ADAMTS19: variants seen among roughly 807,000 people sequenced by gnomAD.
ADAMTS19 encodes the protein A disintegrin and metalloproteinase with thrombospondin motifs 19.
ADAMTS19 carries 93 observed loss-of-function variants against 153.3 expected under a neutral mutation model. That is an observed-to-expected ratio of 0.61 (90% CI 0.51 to 0.72). The LOEUF is 0.72. Ranked by LOEUF, ADAMTS19 falls within the 30% of genes least tolerant of loss-of-function variation. The pLI, the probability that ADAMTS19 is intolerant of heterozygous loss-of-function variation, is 0.00. For synonymous variants in ADAMTS19, 600 were observed against 556.6 expected, an observed-to-expected ratio of 1.08 and a Z score of -1.10; for missense variants, 1,482 against 1,552.1, an observed-to-expected ratio of 0.95 and a Z score of 0.76.
chr5:129,553,025 C>T (rs1753185605), intron 7 of ADAMTS19, among the ~76,000 whole-genome samples: 1 of 152,046 alleles, frequency 6.6e-6, no homozygotes, highest in Non-Finnish European at 1.5e-5. Flanking sequence ...TTGCCTGCTT[C>T]CCCCAGTTTT....
intron 6 of ADAMTS19, among the ~76,000 whole-genome samples, chr5:129,546,076 G>A (rs1007799804): frequency 7.7e-4 from 115 of 148,714 alleles, no homozygotes; most frequent in Non-Finnish European, 1.5e-3. Flanking sequence ...ATGAGTTCAT[G>A]TCCTTTGTAG....
intron 2 of ADAMTS19, among the ~76,000 whole-genome samples, chr5:129,474,863 G>A (rs1038386872): frequency 5.3e-5 from 8 of 152,134 alleles, no homozygotes; most frequent in Non-Finnish European, 1.2e-4. Context: ...TCATGCGCCA[G>A]TTCATAGCCA....
At chr5:129,536,968 G>T (rs1449892856) in intron 6 of ADAMTS19, among the ~76,000 whole-genome samples, 1 of 151,734 alleles carries the variant, frequency 6.6e-6, no homozygotes, top group Non-Finnish European at 1.5e-5. Flanking sequence ...TAAATGATGA[G>T]TTAATGGGTG....
intron 16 of ADAMTS19, among the ~76,000 whole-genome samples, chr5:129,677,937 C>G (rs1307215680): frequency 1.3e-5 from 2 of 152,060 alleles, no homozygotes; most frequent in South Asian, 4.1e-4. Flanking sequence ...CTCAGCCTCC[C>G]GAGTCACTGG....
rs183825702 is a variant in ADAMTS19, at chr5:129,724,860, A to G, written c.3313-10072A>G. On this transcript the variant is annotated intron_variant, in intron 21 of 22. Transcript: ENST00000274487. The stretch of plus-strand genomic sequence containing the variant: ...CCCACCCTAATCTTCTATTATGCAG[A>G]TGGGTTCTCCACTTGGCTGGCATCA... Among the ~76,000 whole-genome samples the G allele has an allele frequency of 7.2e-5, 11 of 152,082 alleles. No homozygotes were observed. In the South Asian group the frequency reaches 8.3e-4, roughly 11 times the overall value.
At chr5:129,589,255 G>A (rs1420534753) in intron 7 of ADAMTS19, among the ~76,000 whole-genome samples, 1 of 151,234 alleles carries the variant, frequency 6.6e-6, no homozygotes, top group Non-Finnish European at 1.5e-5. Flanking sequence ...TTTCATGCCA[G>A]TTTTCTTGTA....
chr5:129,493,865 C>T (rs1750846390), intron 2 of ADAMTS19, among the ~76,000 whole-genome samples: 1 of 152,020 alleles, frequency 6.6e-6, no homozygotes, highest in African/African-American at 2.4e-5. Context: ...TGGATGAACT[C>T]ATTCTTTATG....
chr5:129,600,129 C>T (rs1009603926), intron 8 of ADAMTS19, among the ~76,000 whole-genome samples: 7 of 152,020 alleles, frequency 4.6e-5, no homozygotes, highest in African/African-American at 1.7e-4. Flanking sequence ...AAAAAATGTC[C>T]ATATGCTCAT....
intron 6 of ADAMTS19, among the ~76,000 whole-genome samples, chr5:129,534,981 G>A (rs1026818829): frequency 6.6e-6 from 1 of 152,112 alleles, no homozygotes; most frequent in Admixed American, 6.6e-5. Flanking sequence ...AAAACTGGAA[G>A]CATTCCCTTT....
intron 8 of ADAMTS19, among the ~76,000 whole-genome samples, chr5:129,604,216 A>G (rs1750790174): frequency 6.6e-6 from 1 of 151,972 alleles, no homozygotes; most frequent in African/African-American, 2.4e-5. Context: ...CGTTTTACCT[A>G]TGTAACAAAA....
chr5:129,676,517 C>G (rs1754558769), intron 16 of ADAMTS19, among the ~76,000 whole-genome samples: 1 of 151,988 alleles, frequency 6.6e-6, no homozygotes, highest in African/African-American at 2.4e-5. Flanking sequence ...GTCAGGGGGT[C>G]TGGTAAATAT....
At chr5:129,492,110 A>C (rs929476311) in intron 2 of ADAMTS19, among the ~76,000 whole-genome samples, 1 of 152,140 alleles carries the variant, frequency 6.6e-6, no homozygotes, top group African/African-American at 2.4e-5. Context: ...TGGAGGTCTC[A>C]GGAAACTTAC....
At chr5:129,641,495 A>G (rs1001897675) in intron 10 of ADAMTS19, among the ~76,000 whole-genome samples, 33 of 152,206 alleles carry the variant, frequency 2.2e-4, no homozygotes, top group Non-Finnish European at 1.6e-4. Context: ...TTTATAACAC[A>G]AAAACAAACA....
chr5:129,490,374 C>T (rs547477454), intron 2 of ADAMTS19, among the ~76,000 whole-genome samples: 1 of 152,132 alleles, frequency 6.6e-6, no homozygotes, highest in Admixed American at 6.6e-5. Flanking sequence ...CCTATAACCT[C>T]CAATTTCCTA....
chr5:129,631,884 T>C (rs1752314836), intron 10 of ADAMTS19, among the ~76,000 whole-genome samples: 2 of 152,044 alleles, frequency 1.3e-5, no homozygotes, highest in South Asian at 4.1e-4. Context: ...GATTTTATAA[T>C]TTATTTTTTA....
At chr5:129,509,308 C>G in intron 3 of ADAMTS19, 66 bp downstream of exon 3, 1 of 1,405,114 alleles carries the variant, frequency 7.1e-7, no homozygotes, top group Non-Finnish European at 9.6e-7. Flanking sequence ...TTTAAAAAAA[C>G]TCTCTCGTCT....
intron 2 of ADAMTS19, among the ~76,000 whole-genome samples, chr5:129,487,062 A>C (rs1750622506): frequency 6.6e-6 from 1 of 152,192 alleles, no homozygotes; most frequent in Non-Finnish European, 1.5e-5. Flanking sequence ...GTGAAATTTG[A>C]ATGAGAAATG....
chr5:129,478,354 G>T (rs548566536), intron 2 of ADAMTS19, among the ~76,000 whole-genome samples: 2 of 152,084 alleles, frequency 1.3e-5, no homozygotes, highest in African/African-American at 4.8e-5. Context: ...ATAATAATGT[G>T]GGATACTCTT....
intron 18 of ADAMTS19, among the ~76,000 whole-genome samples, chr5:129,692,114 G>A (rs1381810320): frequency 6.6e-6 from 1 of 152,070 alleles, no homozygotes; most frequent in Non-Finnish European, 1.5e-5. Flanking sequence ...CTTCATAAAA[G>A]TAGTATTTAT....
Sources: gnomAD v4.1 joint callset for allele counts (sites outside exome capture counted in the v4.1 genomes callset) on GRCh38, gnomAD v4.1.1 for gene constraint, MANE v1.5 for transcripts, NCBI Gene and HGNC (gene_info 2026-07-23, HGNC 2026-07-21) for gene names.